The following RIMS2 variants were observed in gnomAD, a reference collection of about 807,000 sequenced individuals.
RIMS2 encodes regulating synaptic membrane exocytosis protein 2.
In RIMS2, 59 loss-of-function variants were observed where a neutral mutation model predicts 174.4. The observed-to-expected ratio is 0.34, with a 90% CI of 0.27 to 0.42. The LOEUF (loss-of-function observed/expected upper bound fraction) is 0.42. RIMS2 is among the 10% of genes least tolerant of loss of function. The pLI, the probability that RIMS2 is intolerant of heterozygous loss-of-function variation, is 1.00. For missense variants in RIMS2, 1,620 were observed against 1,666.3 expected, an observed-to-expected ratio of 0.97 and a Z score of 0.48; for synonymous variants, 606 against 572.5, an observed-to-expected ratio of 1.06 and a Z score of -0.84.
chr8:103,719,310 C>T (rs958598969), intron 2 of RIMS2, among the ~76,000 whole-genome samples: 5 of 152,134 alleles, frequency 3.3e-5, no homozygotes, highest in Non-Finnish European at 5.9e-5. Context: ...TTTCTGTCAC[C>T]GGTAGTCAAT....
At chr8:104,093,223 A>G (rs565351296) in intron 19 of RIMS2, among the ~76,000 whole-genome samples, 1 of 152,154 alleles carries the variant, frequency 6.6e-6, no homozygotes, top group South Asian at 2.1e-4. Flanking sequence ...GCTGTTTTGA[A>G]ACTATTTTAA....
intron 19 of RIMS2, among the ~76,000 whole-genome samples, chr8:104,033,617 G>C (rs1055446151): frequency 1.4e-5 from 2 of 146,530 alleles, no homozygotes; most frequent in Non-Finnish European, 3.0e-5. Flanking sequence ...AATGATTATA[G>C]TTTTTTTTTT....
intron 1 of RIMS2, among the ~76,000 whole-genome samples, chr8:103,621,301 C>G (rs544955734): frequency 6.6e-6 from 1 of 152,346 alleles, no homozygotes; most frequent in East Asian, 1.9e-4. Context: ...GCCCACCCTA[C>G]TGCTGTGTCT....
At chr8:104,115,292 G>A (rs1260313896) in intron 19 of RIMS2, among the ~76,000 whole-genome samples, 1 of 151,990 alleles carries the variant, frequency 6.6e-6, no homozygotes, top group African/African-American at 2.4e-5. Context: ...CATGCTTGAT[G>A]TCTTTACTGA....
intron 3 of RIMS2, among the ~76,000 whole-genome samples, chr8:103,813,932 A>G (rs2098703594): frequency 6.6e-6 from 1 of 152,186 alleles, no homozygotes; most frequent in South Asian, 2.1e-4. Flanking sequence ...ATGGGATAAA[A>G]AAAGAAACAT....
intron 19 of RIMS2, among the ~76,000 whole-genome samples, chr8:104,100,557 G>T (rs1417964068): frequency 3.3e-5 from 5 of 151,882 alleles, no homozygotes; most frequent in Non-Finnish European, 5.9e-5. Context: ...TAGCCATATA[G>T]AATTACTTTT....
rs1399926345 is a variant in RIMS2 at position 103,949,137 on chromosome 8, A to AT, written c.2701+6211_2701+6212insT. On this transcript the variant is annotated intron_variant, in intron 14 of 23. Transcript: ENST00000504942. ...GTGAGACTCTGTCAAAAAAAAAAAA[A>AT]AAAAAAAAAAGGGAAAGGGAAAGGG... Among the ~76,000 whole-genome samples, 6 of 145,442 alleles carry AT rather than the reference A, an allele frequency of 4.1e-5. 1 individual carries two copies. Among genetic ancestry groups the AT allele is most frequent in the African/African-American group, 1.6e-4 (6 of 37,490 alleles).
chr8:103,865,740 G>A (rs569085406), intron 3 of RIMS2, among the ~76,000 whole-genome samples: 1 of 151,950 alleles, frequency 6.6e-6, no homozygotes, highest in African/African-American at 2.4e-5. Flanking sequence ...TCCTTAAAAG[G>A]TGACAGAAAT....
intron 1 of RIMS2, among the ~76,000 whole-genome samples, chr8:103,583,747 ACAAT>A (rs775873952): frequency 3.3e-5 from 5 of 152,266 alleles, no homozygotes; most frequent in Admixed American, 2.0e-4. Flanking sequence ...AAACAAACAA[ACAAT>A]CAAGCATACT....
At chr8:104,173,613 ATTTTTTTTTTT>A (rs71297262) in intron 19 of RIMS2, among the ~76,000 whole-genome samples, 8 of 54,232 alleles carry the variant, frequency 1.5e-4, no homozygotes, top group Admixed American at 3.3e-4. Flanking sequence ...AGCTCTTCTG[ATTTTTTTTTTT>A]TTTTTTTTTT....
At chr8:104,021,838 A>G (rs1388834362) in intron 19 of RIMS2, among the ~76,000 whole-genome samples, 1 of 152,216 alleles carries the variant, frequency 6.6e-6, no homozygotes, top group Non-Finnish European at 1.5e-5. Flanking sequence ...CACTCAAACC[A>G]GTCTCCCTGA....
At chr8:103,944,928 G>A (rs1016451511) in intron 14 of RIMS2, among the ~76,000 whole-genome samples, 2 of 151,910 alleles carry the variant, frequency 1.3e-5, no homozygotes, top group African/African-American at 4.8e-5. Flanking sequence ...CATTACCTTT[G>A]GCTAATTAGG....
At chr8:104,090,177 T>C (rs1197037513) in intron 19 of RIMS2, among the ~76,000 whole-genome samples, 1 of 151,644 alleles carries the variant, frequency 6.6e-6, no homozygotes, top group Admixed American at 6.6e-5. Context: ...CATAAAACCT[T>C]TACACTATTA....
intron 3 of RIMS2, among the ~76,000 whole-genome samples, chr8:103,883,230 C>T (rs1241455914): frequency 6.6e-6 from 1 of 151,658 alleles, no homozygotes; most frequent in African/African-American, 2.4e-5. Flanking sequence ...CTATGCCTCT[C>T]AATTTAAAGC....
At chr8:103,579,261 T>TCACACACACACAGACA (rs1415429218) in intron 1 of RIMS2, among the ~76,000 whole-genome samples, 1 of 59,820 alleles carries the variant, frequency 1.7e-5, no homozygotes, top group African/African-American at 6.9e-5. Flanking sequence ...TGTCTCTGTC[T>TCACACACACACAGACA]CACACACACA....
chr8:104,244,974 C>T (rs372897311), exon 20 of RIMS2: 44 of 1,613,554 alleles, frequency 2.7e-5, no homozygotes, highest in Non-Finnish European at 3.3e-5. Flanking sequence ...CAGGCCTGGC[C>T]GTGGAAATGA....
In RIMS2 at chr8:103,655,876, T is replaced by C. The variant is rs1041201478; in HGVS notation, c.177-41210T>C. 2.0e-5 allele frequency among the ~76,000 whole-genome samples: 3 copies of C among 152,086 alleles called. No homozygotes were observed. The South Asian group carries it at 6.2e-4, about 32-fold the overall frequency. On this transcript the variant is annotated intron_variant, in intron 1 of 23. Coordinates refer to ENST00000504942, the Ensembl canonical transcript of RIMS2. ...AGGAGTTTGAATCTGAGTCTCAGTA[T>C]ACAGGGAAGATATTGAAGAGATTTA...
intron 8 of RIMS2, among the ~76,000 whole-genome samples, chr8:103,917,840 C>T (rs1447073993): frequency 6.6e-6 from 1 of 151,982 alleles, no homozygotes; most frequent in East Asian, 1.9e-4. Flanking sequence ...GGTGAAACCT[C>T]GTCTCTGCTA....
chr8:104,231,517 C>G (rs1335333892), intron 19 of RIMS2, among the ~76,000 whole-genome samples: 24 of 152,148 alleles, frequency 1.6e-4, no homozygotes, highest in Non-Finnish European at 2.4e-4. Flanking sequence ...AAGCTGGGCT[C>G]ATATTCCATC....
Sources: gnomAD v4.1 joint callset for allele counts (sites outside exome capture counted in the v4.1 genomes callset) on GRCh38, gnomAD v4.1.1 for gene constraint, MANE v1.5 for transcripts, NCBI Gene and HGNC (gene_info 2026-07-23, HGNC 2026-07-21) for gene names.